The following CFAP20DC variants were observed in gnomAD, a reference collection of about 807,000 sequenced individuals.
The protein encoded by CFAP20DC is protein CFAP20DC.
Under a neutral mutation model 101.7 loss-of-function variants are expected in CFAP20DC, and 84 were observed. That is an observed-to-expected ratio of 0.83 (90% CI 0.69 to 0.99). CFAP20DC has a LOEUF of 0.99. Ranked by LOEUF, CFAP20DC falls within the 50% of genes least tolerant of loss-of-function variation. The pLI is 0.00. For missense variants in CFAP20DC, 1,007 were observed against 970.3 expected, an observed-to-expected ratio of 1.04 and a Z score of -0.50; for synonymous variants, 359 against 351.2, an observed-to-expected ratio of 1.02 and a Z score of -0.25.
intron 4 of CFAP20DC, among the ~76,000 whole-genome samples, chr3:58,947,201 TA>T (rs1230595498): frequency 2.0e-5 from 3 of 152,200 alleles, no homozygotes; most frequent in Admixed American, 6.5e-5. Context: ...TGCAACCATT[TA>T]CTTTACTTTA....
intron 4 of CFAP20DC, among the ~76,000 whole-genome samples, chr3:59,032,719 C>T (rs1329283847): frequency 6.6e-6 from 1 of 152,160 alleles, no homozygotes; most frequent in Non-Finnish European, 1.5e-5. Flanking sequence ...TAGATAAAAC[C>T]CCCATCTTCC....
chr3:58,861,649 G>C lies in CFAP20DC; in HGVS notation c.1593+1909C>G, dbSNP rs1033774494. On this transcript the variant is annotated intron_variant, in intron 12 of 16. Coordinates refer to ENST00000482387, the MANE Select transcript of CFAP20DC (RefSeq NM_001394063.1). This position sits in a 1 kb window ranked among gnomAD's most constrained non-coding sequence, Gnocchi z 4.0. ...ATTTTTGTATCTTAGCTTGTATCTC[G>C]TTAGTCTCTGTACCAGCAAACCCCA... 1.9e-5 allele frequency: 19 copies of C among 985,248 alleles called. No individual in the cohort carries two copies. The Middle Eastern group carries it at 2.1e-3, about 107-fold the overall frequency. The allele number at this position is 985,248 out of a possible 1,614,324, so 61.0% of individuals were successfully genotyped here.
chr3:58,945,987 G>A (rs955840366), intron 4 of CFAP20DC, among the ~76,000 whole-genome samples: 1 of 150,678 alleles, frequency 6.6e-6, no homozygotes, highest in African/African-American at 2.4e-5. Flanking sequence ...AAGCCACCAC[G>A]ACCAGCCCAA....
chr3:59,043,672 G>A (rs1281187175), intron 3 of CFAP20DC, among the ~76,000 whole-genome samples: 1 of 151,774 alleles, frequency 6.6e-6, no homozygotes, highest in South Asian at 2.1e-4. Context: ...TCAAACATGA[G>A]CCTCCAACAG....
intron 4 of CFAP20DC, among the ~76,000 whole-genome samples, chr3:58,966,474 G>A (rs1263764233): frequency 7.8e-5 from 9 of 114,722 alleles, no homozygotes; most frequent in African/African-American, 2.1e-4. Flanking sequence ...ATACATATGT[G>A]TATATATATA....
At position 58,897,813 on chromosome 3, in the gene CFAP20DC, T is replaced by C. The variant is rs78600651; in HGVS notation, c.551-13104A>G. 0.014 allele frequency among the ~76,000 whole-genome samples: 2,181 copies of C among 152,314 alleles called. 29 individuals are homozygous for C. The highest frequency in any genetic ancestry group is 0.021 in the Non-Finnish European group (1,458 of 68,022). On this transcript the variant is annotated intron_variant, in intron 6 of 16. Transcript: ENST00000482387. The surrounding 1 kb of genome is among the most constrained non-coding windows in gnomAD (Gnocchi z 4.4). ...TTGCCCTCTGGCTGCCCTTAACATT[T>C]TCTCTTTCATTTTGACCTTGGAGAA...
At position 58,882,233 on chromosome 3, in the gene CFAP20DC, T is replaced by C. The variant is rs1054212200; in HGVS notation, c.715+2312A>G. On this transcript the variant is annotated intron_variant, in intron 7 of 16. Coordinates refer to ENST00000482387, the MANE Select transcript of CFAP20DC (RefSeq NM_001394063.1). This position sits in a 1 kb window ranked among gnomAD's most constrained non-coding sequence, Gnocchi z 4.2. ...GGAAATTGCAAAATATATATTAATA[T>C]CCTCTTTTATGAGTTGGGTTCAAAT... Among the ~76,000 whole-genome samples the C allele has an allele frequency of 6.6e-6, 1 of 152,156 alleles. No homozygotes were observed. Among genetic ancestry groups the C allele is most frequent in the Non-Finnish European group, 1.5e-5 (1 of 67,978 alleles).
At chr3:59,030,417 TAG>T (rs1426029439) in intron 4 of CFAP20DC, among the ~76,000 whole-genome samples, 2 of 152,236 alleles carry the variant, frequency 1.3e-5, no homozygotes, top group Admixed American at 6.5e-5. Context: ...CAAATTCAAA[TAG>T]AGAGTTAGCA....
intron 7 of CFAP20DC, 116 bp from the exon 8 acceptor site, chr3:58,870,425 C>G (rs367809680): frequency 4.2e-6 from 4 of 951,492 alleles, no homozygotes; most frequent in East Asian, 2.4e-5. Flanking sequence ...CCCCCCTCCC[C>G]CCTCAGCATG....
At chr3:58,890,056 T>C (rs2082023389) in intron 6 of CFAP20DC, among the ~76,000 whole-genome samples, 1 of 150,312 alleles carries the variant, frequency 6.7e-6, no homozygotes, top group South Asian at 2.1e-4. Flanking sequence ...CCGTTCTCAA[T>C]GAGCTGTTGG....
rs563318056 is a variant in CFAP20DC at position 58,964,367 on chromosome 3, G to A, written c.279-26605C>T. Among the ~76,000 whole-genome samples the A allele has an allele frequency of 1.3e-5, 2 of 152,290 alleles. No individual in the cohort carries two copies. Among genetic ancestry groups the A allele is most frequent in the East Asian group, 1.9e-4 (1 of 5,188 alleles). ...TTGAATGTTAAGTCTCCACCCCAAG[G>A]TGGGCATGTAACGTGTATGTTTCCT... On this transcript the variant is annotated intron_variant, in intron 4 of 16. Coordinates refer to ENST00000482387, the MANE Select transcript of CFAP20DC (RefSeq NM_001394063.1). This position sits in a 1 kb window ranked among gnomAD's most constrained non-coding sequence, Gnocchi z 4.1.
At position 58,797,198 on chromosome 3, in the gene CFAP20DC, C is replaced by T. The variant is rs138253564; in HGVS notation, c.2237+9197G>A. 3.1e-3 allele frequency among the ~76,000 whole-genome samples: 465 copies of T among 152,258 alleles called. 3 individuals are homozygous for T. The highest frequency in any genetic ancestry group is 0.01 in the Middle Eastern group (3 of 294). On this transcript the variant is annotated intron_variant, in intron 15 of 16. Coordinates refer to ENST00000482387, the MANE Select transcript of CFAP20DC (RefSeq NM_001394063.1). Reference sequence around the variant, plus strand: ...CTTAGTGAGGAAAGCATGCCTAAAGCCAACACAGGCTGAAAGCTAGGCCTC... The same window carrying T: ...CTTAGTGAGGAAAGCATGCCTAAAGTCAACACAGGCTGAAAGCTAGGCCTC...
At chr3:58,845,551 C>A (rs1241189116) in intron 13 of CFAP20DC, among the ~76,000 whole-genome samples, 1 of 151,808 alleles carries the variant, frequency 6.6e-6, no homozygotes, top group African/African-American at 2.4e-5. Context: ...AGTCCAGGAC[C>A]AGATGGATTC....
In CFAP20DC at chr3:58,857,862, A is replaced by G. The variant is rs533395559; in HGVS notation, c.1593+5696T>C. Among the ~76,000 whole-genome samples the G allele has an allele frequency of 4.6e-5, 7 of 152,318 alleles. No homozygotes were observed. The South Asian group carries it at 1.5e-3, about 32-fold the overall frequency. On this transcript the variant is annotated intron_variant, in intron 12 of 16. Transcript: ENST00000482387. ...CTCTCTTTGCATTGTTATGAGAAGA[A>G]GAGGCATGCTTTTGCCTCTTTAATA...
chr3:59,007,255 C>T lies in CFAP20DC; in HGVS notation c.278+32302G>A, dbSNP rs1361171911. Among the ~76,000 whole-genome samples, 5 of 152,164 alleles carry T rather than the reference C, an allele frequency of 3.3e-5. No homozygotes were observed. Among genetic ancestry groups the T allele is most frequent in the East Asian group, 1.9e-4 (1 of 5,192 alleles). ...CCCCATCTGAAGGTACTCCTCTACC[C>T]GCCCTGGTAGCTGAACACAAAAGAC... On this transcript the variant is annotated intron_variant, in intron 4 of 16. Transcript: ENST00000482387. The surrounding 1 kb of genome is among the most constrained non-coding windows in gnomAD (Gnocchi z 4.4).
rs2067611172 is a variant in CFAP20DC, at chr3:58,729,883, T to G, written c.198-12255A>C. On this transcript the variant is annotated intron_variant, in intron 3 of 3. Coordinates refer to the CFAP20DC transcript ENST00000486145. The surrounding 1 kb of genome is among the most constrained non-coding windows in gnomAD (Gnocchi z 4.4). ...AAAATACAAAATTAGCAGGGCATGA[T>G]GGTGCGCACCTGTAATCCCAGCTAC... Among the ~76,000 whole-genome samples, 1 of 152,026 alleles carries G rather than the reference T, an allele frequency of 6.6e-6. No homozygotes were observed. The highest frequency in any genetic ancestry group is 6.6e-5 in the Admixed American group (1 of 15,264).
chr3:59,014,951 A>C lies in CFAP20DC; in HGVS notation c.278+24606T>G, dbSNP rs1295726019. Among the ~76,000 whole-genome samples, 1 of 152,110 alleles carries C rather than the reference A, an allele frequency of 6.6e-6. No homozygotes were observed. The highest frequency in any genetic ancestry group is 1.5e-5 in the Non-Finnish European group (1 of 68,014). The stretch of plus-strand genomic sequence containing the variant: ...GAATATTTACACCACAGAAACTAGC[A>C]AGTACTAAGTAAGCATCAGGACCCT... On this transcript the variant is annotated intron_variant, in intron 4 of 16. Coordinates refer to ENST00000482387, the MANE Select transcript of CFAP20DC (RefSeq NM_001394063.1). The surrounding 1 kb of genome is among the most constrained non-coding windows in gnomAD (Gnocchi z 4.9).
intron 14 of CFAP20DC, among the ~76,000 whole-genome samples, chr3:58,813,210 C>A (rs575010411): frequency 1.3e-5 from 2 of 151,998 alleles, no homozygotes; most frequent in South Asian, 4.1e-4. Context: ...TTTCCCTCCA[C>A]AGGAAACCTT....
At chr3:58,740,631 T>C (rs1575525489), downstream of CFAP20DC, among the ~76,000 whole-genome samples, 1 of 152,298 alleles carries the variant, frequency 6.6e-6, no homozygotes, top group East Asian at 1.9e-4. This position sits in a 1 kb window ranked among gnomAD's most constrained non-coding sequence, Gnocchi z 4.6. Context: ...TCAGAGGCCT[T>C]ATAGCCTTAC....
Sources: gnomAD v4.1 joint callset for allele counts (sites outside exome capture counted in the v4.1 genomes callset) on GRCh38, gnomAD v4.1.1 for gene constraint, Gnocchi (gnomAD v3.1) non-coding constraint, MANE v1.5 for transcripts, NCBI Gene and HGNC (gene_info 2026-07-23, HGNC 2026-07-21) for gene names.